The following KYNU variants were observed in gnomAD, a reference collection of about 807,000 sequenced individuals.
The protein encoded by KYNU is L-kynurenine hydrolase.
In KYNU, 54 loss-of-function variants were observed where a neutral mutation model predicts 59.2. That is an observed-to-expected ratio of 0.91 (90% CI 0.73 to 1.14). The LOEUF is 1.14. Among genes scored for constraint, KYNU ranks in the 50% most tolerant of loss-of-function variants. KYNU has a pLI of 0.00. For synonymous variants in KYNU, 177 were observed against 192.0 expected, an observed-to-expected ratio of 0.92 and a Z score of 0.65; for missense variants, 567 against 554.4, an observed-to-expected ratio of 1.02 and a Z score of -0.23.
At chr2:142,931,310 T>C (rs1683209864) in intron 4 of KYNU, among the ~76,000 whole-genome samples, 1 of 152,112 alleles carries the variant, frequency 6.6e-6, no homozygotes, top group Admixed American at 6.5e-5. Flanking sequence ...TCACGTGTGA[T>C]ATAGGGGGTG....
chr2:142,926,179 G>A (rs911131059), intron 3 of KYNU, among the ~76,000 whole-genome samples: 1 of 151,970 alleles, frequency 6.6e-6, no homozygotes, highest in Non-Finnish European at 1.5e-5. Flanking sequence ...ACCTAATGTA[G>A]GTGACGGGTT....
At chr2:142,888,663 T>G (rs1681597891) in intron 2 of KYNU, among the ~76,000 whole-genome samples, 1 of 151,890 alleles carries the variant, frequency 6.6e-6, no homozygotes, top group South Asian at 2.1e-4. Context: ...CCTTCTATTC[T>G]AGATCCTCTA....
intron 3 of KYNU, among the ~76,000 whole-genome samples, chr2:142,920,583 T>C (rs1250568962): frequency 3.3e-5 from 5 of 152,228 alleles, no homozygotes; most frequent in Non-Finnish European, 5.9e-5. Flanking sequence ...TGCTCTTCTA[T>C]TGTTTTGTCT....
chr2:142,972,156 T>G (rs1684744902), intron 8 of KYNU, among the ~76,000 whole-genome samples: 1 of 152,176 alleles, frequency 6.6e-6, no homozygotes, highest in South Asian at 2.1e-4. Context: ...TAAAGACAAT[T>G]ATTTTTTTCT....
chr2:142,972,155 T>C (rs1026225242), intron 8 of KYNU, among the ~76,000 whole-genome samples: 3 of 152,144 alleles, frequency 2.0e-5, no homozygotes, highest in Non-Finnish European at 4.4e-5. Context: ...GTAAAGACAA[T>C]TATTTTTTTC....
rs1014769311 is a variant in KYNU at position 143,052,849 on chromosome 2, T to C, written c.*10677T>C. 1.2e-4 allele frequency: 19 copies of C among 152,232 alleles called. No individual in the cohort carries two copies. Among genetic ancestry groups the C allele is most frequent in the African/African-American group, 4.3e-4 (18 of 41,450 alleles). 9.4% of individuals were successfully genotyped at this position (152,232 alleles called of 1,614,324 possible). A position where few individuals can be genotyped will look rare whatever the true frequency, so the allele number is the denominator to read the frequency against. Reference sequence around the variant, plus strand: ...GAGTCCCTACTGAGGCACCACCTAGTGGAGCTTTGAGAAGAGGGCCACTGT... The same window carrying C: ...GAGTCCCTACTGAGGCACCACCTAGCGGAGCTTTGAGAAGAGGGCCACTGT... On this transcript the variant is annotated 3_prime_UTR_variant, in exon 14 of 14. Transcript: ENST00000264170.
At position 142,972,813 on chromosome 2, in the gene KYNU, T is replaced by TATAG. The variant is rs1478067181; in HGVS notation, c.729+12044_729+12045insTAGA. On this transcript the variant is annotated intron_variant, in intron 8 of 13. Transcript: ENST00000264170. ...GGCCATATATATATATATATATATATAGAGAGAGAGAGAGAGAGAGAGAGA... is the reference window on the plus strand; with the variant it reads ...GGCCATATATATATATATATATATATATAGAGAGAGAGAGAGAGAGAGAGAGAGA... 2.1e-3 allele frequency among the ~76,000 whole-genome samples: 261 copies of TATAG among 124,202 alleles called. 1 individual carries two copies. The highest frequency in any genetic ancestry group is 6.3e-3 in the African/African-American group (202 of 32,064). The allele number at this position is 124,202 out of a possible 152,430, so 81.5% of individuals were successfully genotyped here.
At position 142,924,167 on chromosome 2, in the gene KYNU, T is replaced by C. The variant is rs192682704; in HGVS notation, c.291-3492T>C. Among the ~76,000 whole-genome samples, 10 of 152,122 alleles carry C rather than the reference T, an allele frequency of 6.6e-5. No homozygotes were observed. The East Asian group carries it at 1.7e-3, about 27-fold the overall frequency. On this transcript the variant is annotated intron_variant, in intron 3 of 13. Transcript: ENST00000264170. ...TTGCCCAGGCTGGAGTGCAGTGGCGTGATCATAGCTCACTGCAGCCTTAAA... is the reference window on the plus strand; with the variant it reads ...TTGCCCAGGCTGGAGTGCAGTGGCGCGATCATAGCTCACTGCAGCCTTAAA...
At position 143,054,753 on chromosome 2, in the gene KYNU, G is replaced by A. The variant is rs1687325629; in HGVS notation, c.*12581G>A. 6.6e-6 allele frequency: 1 copy of A among 152,306 alleles called. No homozygotes were observed. Among genetic ancestry groups the A allele is most frequent in the East Asian group, 1.9e-4 (1 of 5,182 alleles). The allele number at this position is 152,306 out of a possible 1,614,324, so 9.4% of individuals were successfully genotyped here. Reference sequence around the variant, plus strand: ...AGTCAAATACAGGGCATGCAACATAGCTGCTGATTGGATTTATTCAACATG... The same window carrying A: ...AGTCAAATACAGGGCATGCAACATAACTGCTGATTGGATTTATTCAACATG... On this transcript the variant is annotated 3_prime_UTR_variant, in exon 14 of 14. Coordinates refer to ENST00000264170, the MANE Select transcript of KYNU (RefSeq NM_003937.3).
At chr2:142,919,577 A>G (rs1004032767) in intron 3 of KYNU, among the ~76,000 whole-genome samples, 1 of 152,244 alleles carries the variant, frequency 6.6e-6, no homozygotes, top group Admixed American at 6.5e-5. Context: ...CTCAGAATAC[A>G]TTCTTTACCT....
intron 10 of KYNU, among the ~76,000 whole-genome samples, chr2:143,019,145 G>T (rs1050292659): frequency 2.0e-5 from 3 of 152,054 alleles, no homozygotes; most frequent in Non-Finnish European, 2.9e-5. Flanking sequence ...TTGCCTGATT[G>T]CTCTGTCTAG....
At chr2:142,930,791 A>G (rs1285158744) in intron 4 of KYNU, among the ~76,000 whole-genome samples, 1 of 152,238 alleles carries the variant, frequency 6.6e-6, no homozygotes, top group African/African-American at 2.4e-5. Flanking sequence ...GCTTTAACAT[A>G]TGAATTTGGG....
chr2:142,909,167 T>TTC (rs1490857981), intron 2 of KYNU, among the ~76,000 whole-genome samples: 4 of 151,880 alleles, frequency 2.6e-5, no homozygotes, highest in African/African-American at 9.7e-5. Flanking sequence ...TCAAGTTTTT[T>TTC]TTTTTGTGGA....
chr2:142,953,685 A>T (rs1684069838), intron 4 of KYNU, among the ~76,000 whole-genome samples: 1 of 152,206 alleles, frequency 6.6e-6, no homozygotes, highest in Non-Finnish European at 1.5e-5. Context: ...CCTTACAGTG[A>T]TCAGAGATAC....
At chr2:143,011,042 C>A (rs28826981) in intron 10 of KYNU, among the ~76,000 whole-genome samples, 3,597 of 137,638 alleles carry the variant, frequency 0.026, 149 homozygotes, top group Non-Finnish European at 0.037. Flanking sequence ...CAATGGCAAC[C>A]AAAGCCAAAA....
At position 143,043,991 on chromosome 2, in the gene KYNU, C is replaced by T. The variant is rs1458022695; in HGVS notation, c.*1819C>T. The T allele has an allele frequency of 6.6e-6, 1 of 151,872 alleles. No individual in the cohort carries two copies. The highest frequency in any genetic ancestry group is 6.6e-5 in the Admixed American group (1 of 15,196). The allele number at this position is 151,872 out of a possible 1,614,324, so 9.4% of individuals were successfully genotyped here. On this transcript the variant is annotated 3_prime_UTR_variant, in exon 14 of 14. Transcript: ENST00000264170. Reference sequence around the variant, plus strand: ...CTAATGCTCACCCTCCTCTTATCCCCAACTACCCAAAAGGACCTGGTGTGT... The same window carrying T: ...CTAATGCTCACCCTCCTCTTATCCCTAACTACCCAAAAGGACCTGGTGTGT...
chr2:142,957,634 T>C lies in KYNU; in HGVS notation c.508-7T>C. 2 of 1,558,550 alleles carry C rather than the reference T, an allele frequency of 1.3e-6. No individual in the cohort carries two copies. The highest frequency in any genetic ancestry group is 1.8e-6 in the Non-Finnish European group (2 of 1,129,880). On this transcript the variant is annotated splice_region_variant and splice_polypyrimidine_tract_variant and intron_variant, in intron 6 of 13. Coordinates refer to ENST00000264170, the MANE Select transcript of KYNU (RefSeq NM_003937.3). ...GATTTGATAAATACATCATCTTTCC[T>C]TTTTAGTATGCTATTGAGTCACAAC... is the stretch of plus-strand genomic sequence containing the variant.
At chr2:142,904,817 G>C (rs530633883) in intron 2 of KYNU, among the ~76,000 whole-genome samples, 1 of 152,040 alleles carries the variant, frequency 6.6e-6, no homozygotes. Flanking sequence ...TCTGCTTATC[G>C]GATTAGTTGT....
intron 2 of KYNU, among the ~76,000 whole-genome samples, chr2:142,914,382 T>A (rs573790788): frequency 6.6e-6 from 1 of 152,362 alleles, no homozygotes; most frequent in Admixed American, 6.5e-5. Context: ...TAGCATTTAC[T>A]CACCACTTTG....
Sources: gnomAD v4.1 joint callset for allele counts (sites outside exome capture counted in the v4.1 genomes callset) on GRCh38, gnomAD v4.1.1 for gene constraint, MANE v1.5 for transcripts, NCBI Gene and HGNC (gene_info 2026-07-23, HGNC 2026-07-21) for gene names.